Variants in AR observed in about 807,000 individuals in gnomAD.
AR encodes the protein dihydrotestosterone receptor.
A neutral mutation model predicts 53.9 loss-of-function variants in AR; 8 were observed. That is an observed-to-expected ratio of 0.15 (90% CI 0.09 to 0.27). AR has a LOEUF of 0.27. Ranked by LOEUF, AR falls within the 10% of genes least tolerant of loss-of-function variation. The pLI is 1.00. For missense variants in AR, 639 were observed against 742.5 expected (o/e 0.86, Z 1.62); for synonymous variants, 359 against 316.4 (o/e 1.13, Z -1.43).
intron 3 of AR, among the ~76,000 whole-genome samples, chrX:67,705,606 C>G (rs1368848911): frequency 9.0e-6 from 1 of 111,601 alleles, no homozygotes; most frequent in Non-Finnish European, 1.9e-5. Context: ...GACAATTTGA[C>G]TTCCTCTTTT....
chrX:67,722,083 C>T (rs1403345908), intron 6 of AR, 120 bp downstream of exon 6: 3 of 861,778 alleles, frequency 3.5e-6, no homozygotes, highest in Admixed American at 2.7e-5. Context: ...CTTCTTCATT[C>T]CCCCTCCCCA....
rs956270286 is a variant in AR at position 67,546,012 on chromosome X, A to G, written c.866A>G (p.Glu289Gly). 16 of 1,210,917 alleles carry G rather than the reference A, an allele frequency of 1.3e-5. No homozygotes were observed. In the Admixed American group the frequency reaches 2.6e-4, roughly 20 times the overall value. Residue 289 changes from glutamate (E) to glycine (G), a missense_variant, in exon 1 of 8, where the codon GAA becomes GGA. Glu to Gly is a moderately conservative substitution (Grantham distance 98). Transcript: ENST00000374690. ...VRPTPCAPLA[E>G]CKGSLLDDSA... ...CCCACTCCTTGTGCCCCATTGGCCGAATGCAAAGGTTCTCTGCTAGACGAC... is the reference window on the plus strand; with the variant it reads ...CCCACTCCTTGTGCCCCATTGGCCGGATGCAAAGGTTCTCTGCTAGACGAC...
chrX:67,616,662 G>A (rs1380823641), intron 1 of AR, among the ~76,000 whole-genome samples: 1 of 111,287 alleles, frequency 9.0e-6, no homozygotes, highest in Non-Finnish European at 1.9e-5. Context: ...CCATAAACAC[G>A]ACAACCCATT....
intron 2 of AR, chrX:67,681,123 G>T (rs141669139): frequency 2.2e-5 from 3 of 134,234 alleles, no homozygotes; most frequent in Non-Finnish European, 3.0e-5. Context: ...TTTGTATTTT[G>T]TCAGTCATTT....
chrX:67,728,177 G>GTT lies in AR; in HGVS notation c.*4344_*4345dup, dbSNP rs5902611. The GTT allele has an allele frequency of 3.5e-3, 533 of 150,650 alleles. 1 individual carries two copies. Among genetic ancestry groups the GTT allele is most frequent in the East Asian group, 5.3e-3 (54 of 10,151 alleles). The allele number at this position is 150,650 out of a possible 1,213,427, so 12.4% of individuals were successfully genotyped here. ...TGACTGACTTATAAGAGCTTTGTGG[G>GTT]TTTTTTTTTCCCTAATAATATACAT... On this transcript the variant is annotated 3_prime_UTR_variant, in exon 8 of 8. Coordinates refer to ENST00000374690, the MANE Select transcript of AR (RefSeq NM_000044.6).
At chrX:67,704,601 G>A (rs1387263186) in intron 3 of AR, among the ~76,000 whole-genome samples, 10 of 111,717 alleles carry the variant, frequency 9.0e-5, no homozygotes, top group Non-Finnish European at 1.9e-4. Context: ...TAGGTTGCCT[G>A]TTCACTCTGA....
intron 1 of AR, among the ~76,000 whole-genome samples, chrX:67,608,044 G>A (rs1002270502): frequency 1.8e-5 from 2 of 111,846 alleles, no homozygotes; most frequent in Admixed American, 9.5e-5. Flanking sequence ...CTTAAAGTCC[G>A]ATGCCCAGCA....
chrX:67,592,691 G>A (rs1922891760), intron 1 of AR, among the ~76,000 whole-genome samples: 1 of 106,501 alleles, frequency 9.4e-6, no homozygotes, highest in Non-Finnish European at 1.9e-5. Flanking sequence ...AGGTAAGACT[G>A]AAGATGAATC....
At chrX:67,558,566 C>T (rs1257958551) in intron 1 of AR, among the ~76,000 whole-genome samples, 1 of 111,562 alleles carries the variant, frequency 9.0e-6, no homozygotes, top group African/African-American at 3.3e-5. Context: ...TCCACTGATC[C>T]TCACCAAATA....
chrX:67,723,347 T>A (rs1489745240), intron 7 of AR, among the ~76,000 whole-genome samples: 3 of 101,621 alleles, frequency 3.0e-5, no homozygotes, highest in African/African-American at 1.2e-4. Context: ...TGTGTGTGTG[T>A]GTGTGTCAGA....
intron 2 of AR, among the ~76,000 whole-genome samples, chrX:67,684,917 CT>C (rs1319316983): frequency 9.1e-6 from 1 of 110,218 alleles, no homozygotes; most frequent in Admixed American, 9.7e-5. Flanking sequence ...GTTTCTCTTT[CT>C]TTTTCCGACC....
In AR at chrX:67,711,696, A is replaced by G; in HGVS notation, c.2173+7A>G. ...TGGGCCAAGGCCTTGCCTGGTAAGG[A>G]AAAGGGAAGTGGGAGCATGAGATAA... is the stretch of plus-strand genomic sequence containing the variant. On this transcript the variant is annotated splice_region_variant and intron_variant, in intron 4 of 7. Transcript: ENST00000374690. The G allele has an allele frequency of 8.3e-7, 1 of 1,200,018 alleles. No individual in the cohort carries two copies. Among genetic ancestry groups the G allele is most frequent in the Non-Finnish European group, 1.1e-6 (1 of 889,492 alleles).
At chrX:67,677,346 T>C (rs914785776) in intron 2 of AR, among the ~76,000 whole-genome samples, 1 of 111,876 alleles carries the variant, frequency 8.9e-6, no homozygotes, top group African/African-American at 3.2e-5. Flanking sequence ...TAATCAATCA[T>C]TCATTCAAAT....
chrX:67,720,182 A>G (rs1385237432), intron 5 of AR, among the ~76,000 whole-genome samples: 4 of 109,761 alleles, frequency 3.6e-5, no homozygotes, highest in African/African-American at 1.3e-4. Context: ...TCTCTCTTGC[A>G]CTCCCACCAA....
At chrX:67,593,959 G>T (rs1023083969) in intron 1 of AR, among the ~76,000 whole-genome samples, 1 of 111,743 alleles carries the variant, frequency 8.9e-6, no homozygotes, top group Non-Finnish European at 1.9e-5. Flanking sequence ...GGCATCAAAG[G>T]ATTTTAATCA....
At chrX:67,700,755 T>C (rs778525728) in intron 3 of AR, among the ~76,000 whole-genome samples, 29 of 111,991 alleles carry the variant, frequency 2.6e-4, no homozygotes, top group Non-Finnish European at 4.9e-4. Flanking sequence ...TGATGGATTC[T>C]CCCCACAGTC....
At chrX:67,699,724 G>A (rs1295603707) in intron 3 of AR, among the ~76,000 whole-genome samples, 6 of 110,819 alleles carry the variant, frequency 5.4e-5, no homozygotes, top group African/African-American at 2.0e-4. Context: ...CTTTTCATGT[G>A]TCAAATTTCA....
At chrX:67,629,187 G>T (rs1249786737) in intron 1 of AR, among the ~76,000 whole-genome samples, 1 of 109,122 alleles carries the variant, frequency 9.2e-6, no homozygotes, top group Admixed American at 9.8e-5. Flanking sequence ...TTTTTCTATT[G>T]ATTGGAATAG....
intron 1 of AR, among the ~76,000 whole-genome samples, chrX:67,574,873 T>C (rs1023713782): frequency 3.6e-5 from 4 of 111,486 alleles, no homozygotes; most frequent in African/African-American, 1.3e-4. Context: ...CTTCTCAATA[T>C]GAGGTTGAAA....
Sources: gnomAD v4.1 joint callset for allele counts (sites outside exome capture counted in the v4.1 genomes callset) on GRCh38, gnomAD v4.1.1 for gene constraint, MANE v1.5 for transcripts, NCBI Gene and HGNC (gene_info 2026-07-23, HGNC 2026-07-21) for gene names.